GMIP: variants seen among roughly 807,000 people sequenced by gnomAD.
The protein encoded by GMIP is GEM interacting protein.
Under a neutral mutation model 105.3 loss-of-function variants are expected in GMIP, and 54 were observed. The observed-to-expected ratio is 0.51, with a 90% CI of 0.41 to 0.64. The LOEUF is 0.64. Among genes scored for constraint, GMIP ranks in the 30% least tolerant of loss-of-function variants. The pLI is 0.00. For missense variants in GMIP, 1,110 were observed against 1,319.4 expected (o/e 0.84, Z 2.46); for synonymous variants, 541 against 560.8 (o/e 0.96, Z 0.50).
In GMIP at chr19:19,633,917, C is replaced by T. The variant is rs780253640; in HGVS notation, c.2358G>A (p.Pro786=). 1.3e-5 allele frequency: 16 copies of T among 1,217,938 alleles called. No homozygotes were observed. Among genetic ancestry groups the T allele is most frequent in the African/African-American group, 1.1e-4 (5 of 43,622 alleles). 75.4% of individuals were successfully genotyped at this position (1,217,938 alleles called of 1,614,324 possible). A position where few individuals can be genotyped will look rare whatever the true frequency, so the allele number is the denominator to read the frequency against. ...AGTCTGGGTCAAGGTGCGGGGGTGGCGGTTGGGAGCTGGTTGTGAGGGGCC... is the reference window on the plus strand; with the variant it reads ...AGTCTGGGTCAAGGTGCGGGGGTGGTGGTTGGGAGCTGGTTGTGAGGGGCC... ...APGPLTTSSQ[P]PPPHLDPDSQ... Residue 786 remains proline, a synonymous_variant, in exon 19 of 21, where the codon CCG becomes CCA. Coordinates refer to ENST00000203556, the MANE Select transcript of GMIP (RefSeq NM_016573.4).
At chr19:19,633,749 G>T (rs769529515) in intron 19 of GMIP, 54 bp downstream of exon 19, 114 of 1,255,634 alleles carry the variant, frequency 9.1e-5, no homozygotes, top group Non-Finnish European at 1.1e-4. Flanking sequence ...GAAGGTAAGA[G>T]AATTGAACAG....
chr19:19,632,341 T>C (rs2061805250), intron 19 of GMIP, among the ~76,000 whole-genome samples: 1 of 152,072 alleles, frequency 6.6e-6, no homozygotes, highest in Non-Finnish European at 1.5e-5. Context: ...GGCTCACGCC[T>C]ATAATCCCAG....
chr19:19,633,361 A>G (rs1245524996), intron 19 of GMIP, among the ~76,000 whole-genome samples: 1 of 151,862 alleles, frequency 6.6e-6, no homozygotes, highest in African/African-American at 2.4e-5. Context: ...CCCAGCCATT[A>G]CTCTACCTTT....
intron 7 of GMIP, among the ~76,000 whole-genome samples, chr19:19,639,710 G>A (rs113712235): frequency 0.035 from 5,276 of 152,152 alleles, 154 homozygotes; most frequent in South Asian, 0.12. Flanking sequence ...TTAGCCGGGC[G>A]TGGTGGCAGG....
At chr19:19,640,387 G>C in intron 5 of GMIP, 27 bp from the exon 6 acceptor site, 1 of 1,613,876 alleles carries the variant, frequency 6.2e-7, no homozygotes, top group East Asian at 2.2e-5. Flanking sequence ...CCGGGCTCTG[G>C]GTCTAGCTGG....
In GMIP at chr19:19,643,564, A is replaced by G. The variant is rs971224810; in HGVS notation, c.-35T>C. ...CGGGGATCGCTCTGCAGGGACCGGGATGGGGATGGGGTCGCGCGCCGGCGG... is the reference window on the plus strand; with the variant it reads ...CGGGGATCGCTCTGCAGGGACCGGGGTGGGGATGGGGTCGCGCGCCGGCGG... On this transcript the variant is annotated 5_prime_UTR_variant, in exon 1 of 21. Transcript: ENST00000203556. The G allele has an allele frequency of 3.5e-5, 53 of 1,528,640 alleles. No homozygotes were observed. The highest frequency in any genetic ancestry group is 4.5e-5 in the Non-Finnish European group (51 of 1,134,246). The allele number at this position is 1,528,640 out of a possible 1,614,324, so 94.7% of individuals were successfully genotyped here. A position where few individuals can be genotyped will look rare whatever the true frequency, so the allele number is the denominator to read the frequency against.
rs1237322655 is a variant in GMIP, at chr19:19,637,604, G to A, written c.928-43C>T. 8.4e-6 allele frequency: 12 copies of A among 1,424,810 alleles called. No homozygotes were observed. Among genetic ancestry groups the A allele is most frequent in the African/African-American group, 1.5e-5 (1 of 68,452 alleles). The allele number at this position is 1,424,810 out of a possible 1,614,324, so 88.3% of individuals were successfully genotyped here. A position where few individuals can be genotyped will look rare whatever the true frequency, so the allele number is the denominator to read the frequency against. On this transcript the variant is annotated intron_variant, in intron 10 of 20. Coordinates refer to ENST00000203556, the MANE Select transcript of GMIP (RefSeq NM_016573.4). This position sits in a 1 kb window ranked among gnomAD's most constrained non-coding sequence, Gnocchi z 6.7. ...CAGGTTGGGGAGGGGCGGAGCCTGGGAGCCTGGGGGCAGGGCCAGAGCTGG... is the reference window on the plus strand; with the variant it reads ...CAGGTTGGGGAGGGGCGGAGCCTGGAAGCCTGGGGGCAGGGCCAGAGCTGG...
At chr19:19,632,852 G>A (rs528166923) in intron 19 of GMIP, among the ~76,000 whole-genome samples, 5 of 152,238 alleles carry the variant, frequency 3.3e-5, no homozygotes, top group African/African-American at 7.2e-5. Context: ...CACCAGGCAC[G>A]ATCCTACCTC....
intron 1 of GMIP, among the ~76,000 whole-genome samples, chr19:19,642,836 A>G (rs929791142): frequency 2.9e-4 from 44 of 151,806 alleles, no homozygotes; most frequent in African/African-American, 1.0e-3. Flanking sequence ...AGAGACACCC[A>G]CTCCCTGGGT....
In GMIP at chr19:19,637,435, G is replaced by T; in HGVS notation, c.1054C>A (p.Leu352Met). The stretch of plus-strand genomic sequence containing the variant: ...GGGGGCGGCGGGGCCTCGGGCCGCA[G>T]CGCCCGTACAAACTCCTGGTAGCGC... ...GQRYQEFVRALRPEAPPPPPP... is the reference protein window; with the variant it reads ...GQRYQEFVRAMRPEAPPPPPP... The change falls in exon 11 of 21, where the codon CTG becomes ATG. Residue 352 changes from leucine to methionine, a missense_variant. Leu to Met is a conservative substitution (Grantham distance 15). This residue lies in a region of GMIP where 667 missense variants were observed against 773.2 expected (regional missense o/e 0.86). Coordinates refer to ENST00000203556, the MANE Select transcript of GMIP (RefSeq NM_016573.4). This position sits in a 1 kb window ranked among gnomAD's most constrained non-coding sequence, Gnocchi z 6.7. 1 of 1,505,916 alleles carries T rather than the reference G, an allele frequency of 6.6e-7. No individual in the cohort carries two copies. Among genetic ancestry groups the T allele is most frequent in the Non-Finnish European group, 8.8e-7 (1 of 1,133,122 alleles). 93.3% of individuals were successfully genotyped at this position (1,505,916 alleles called of 1,614,324 possible). A position where few individuals can be genotyped will look rare whatever the true frequency, so the allele number is the denominator to read the frequency against.
In GMIP at chr19:19,638,215, C is replaced by CCGG. The variant is rs1568416980; in HGVS notation, c.730_732dup (p.Pro244dup). On this transcript the variant is annotated inframe_insertion, in exon 9 of 21. Coordinates refer to ENST00000203556, the MANE Select transcript of GMIP (RefSeq NM_016573.4). ...CGCCGCTCCTGCTGCTTGCTAGGTCCCGGCGAGGCCTGGGGGGCCGAGTCC... is the reference window on the plus strand; with the variant it reads ...CGCCGCTCCTGCTGCTTGCTAGGTCCCGGCGGCGAGGCCTGGGGGGCCGAGTCC... 6.3e-7 allele frequency: 1 copy of CCGG among 1,598,620 alleles called. No homozygotes were observed.
In GMIP at chr19:19,635,157, G is replaced by C; in HGVS notation, c.1617C>G (p.His539Gln). 1 of 1,613,924 alleles carries C rather than the reference G, an allele frequency of 6.2e-7. No homozygotes were observed. The highest frequency in any genetic ancestry group is 8.5e-7 in the Non-Finnish European group (1 of 1,179,868). Reference protein sequence around the residue: ...CLETLLILCGHRRLPARTPLF... With the variant: ...CLETLLILCGQRRLPARTPLF... Reference sequence around the variant, plus strand: ...GGGGTGTCCGGGCTGGGAGCCGCCTGTGTCCACAGAGGATCAGGAGAGTCT... The same window carrying C: ...GGGGTGTCCGGGCTGGGAGCCGCCTCTGTCCACAGAGGATCAGGAGAGTCT... The change falls in exon 16 of 21, where the codon CAC becomes CAG. Residue 539 changes from histidine to glutamine, a missense_variant. This residue lies in a region of GMIP where 667 missense variants were observed against 773.2 expected (regional missense o/e 0.86). Transcript: ENST00000203556. This position sits in a 1 kb window ranked among gnomAD's most constrained non-coding sequence, Gnocchi z 4.7.
intron 4 of GMIP, 57 bp downstream of exon 4, chr19:19,641,753 T>A: frequency 8.2e-7 from 1 of 1,224,892 alleles, no homozygotes; most frequent in Non-Finnish European, 1.2e-6. Context: ...CAGTGGTGAT[T>A]TGTTGAAGGA....
At chr19:19,639,598 C>T (rs1206397150) in intron 7 of GMIP, among the ~76,000 whole-genome samples, 2 of 152,116 alleles carry the variant, frequency 1.3e-5, no homozygotes, top group East Asian at 3.9e-4. Context: ...CCTGTAATCC[C>T]ACCACTTTGG....
In GMIP at chr19:19,637,267, C is replaced by T; in HGVS notation, c.1124+98G>A. 3.4e-6 allele frequency: 3 copies of T among 883,636 alleles called. No individual in the cohort carries two copies. Among genetic ancestry groups the T allele is most frequent in the Non-Finnish European group, 3.5e-6 (2 of 573,716 alleles). The allele number at this position is 883,636 out of a possible 1,614,324, so 54.7% of individuals were successfully genotyped here. On this transcript the variant is annotated intron_variant, in intron 11 of 20. Transcript: ENST00000203556. This position sits in a 1 kb window ranked among gnomAD's most constrained non-coding sequence, Gnocchi z 6.7. ...CCTGGAGTACTAAATTCCACTAAGG[C>T]TTTGCGTTCTCTAACCTCGAGTAAC...
chr19:19,637,437 G>C lies in GMIP; in HGVS notation c.1052C>G (p.Ala351Gly). 1 of 1,508,512 alleles carries C rather than the reference G, an allele frequency of 6.6e-7. No homozygotes were observed. Among genetic ancestry groups the C allele is most frequent in the Non-Finnish European group, 8.8e-7 (1 of 1,134,084 alleles). 93.4% of individuals were successfully genotyped at this position (1,508,512 alleles called of 1,614,324 possible). Residue 351 changes from alanine (A) to glycine (G), a missense_variant, in exon 11 of 21, where the codon GCG (alanine) becomes GGG (glycine). Ala to Gly is a moderately conservative substitution (Grantham distance 60). This residue lies in a region of GMIP where 667 missense variants were observed against 773.2 expected (regional missense o/e 0.86). Transcript: ENST00000203556. The surrounding 1 kb of genome is among the most constrained non-coding windows in gnomAD (Gnocchi z 6.7). ...PGQRYQEFVR[A>G]LRPEAPPPPP... ...GGGCGGCGGGGCCTCGGGCCGCAGC[G>C]CCCGTACAAACTCCTGGTAGCGCTG...
At chr19:19,632,024 C>G (rs1338175086) in intron 19 of GMIP, among the ~76,000 whole-genome samples, 1 of 151,608 alleles carries the variant, frequency 6.6e-6, no homozygotes, top group African/African-American at 2.4e-5. Context: ...GGTGCAGTGG[C>G]TCATGCCTGT....
chr19:19,637,907 G>A lies in GMIP; in HGVS notation c.927+13C>T, dbSNP rs374720342. ...CGGGGTGAGGGGAGGATGGCCTTGG[G>A]GATGGGCCTCACCCGCCTCAGCACT... On this transcript the variant is annotated intron_variant, in intron 10 of 20. Transcript: ENST00000203556. This position sits in a 1 kb window ranked among gnomAD's most constrained non-coding sequence, Gnocchi z 6.7. 1,253 of 1,590,030 alleles carry A rather than the reference G, an allele frequency of 7.9e-4. 16 individuals are homozygous for A. The South Asian group carries it at 0.013, about 16-fold the overall frequency.
chr19:19,642,530 C>G lies in GMIP; in HGVS notation c.104+5G>C. The G allele has an allele frequency of 6.3e-7, 1 of 1,593,494 alleles. No individual in the cohort carries two copies. Among genetic ancestry groups the G allele is most frequent in the Non-Finnish European group, 8.6e-7 (1 of 1,161,702 alleles). On this transcript the variant is annotated splice_donor_5th_base_variant and intron_variant, in intron 2 of 20. Transcript: ENST00000203556. Reference sequence around the variant, plus strand: ...GATTTGGGGGTGATCCAGGCTCAGACTCACACGTTCCCCAGTGAGATTTCG... The same window carrying G: ...GATTTGGGGGTGATCCAGGCTCAGAGTCACACGTTCCCCAGTGAGATTTCG...
Sources: gnomAD v4.1 joint callset for allele counts (sites outside exome capture counted in the v4.1 genomes callset) on GRCh38, gnomAD v4.1.1 for gene constraint, gnomAD v4.1.1 regional missense constraint, Gnocchi (gnomAD v3.1) non-coding constraint, MANE v1.5 for transcripts, NCBI Gene and HGNC (gene_info 2026-07-23, HGNC 2026-07-21) for gene names.